ITGA9: variants seen among roughly 807,000 people sequenced by gnomAD.
ITGA9 encodes integrin subunit alpha 9, also known as integrin alpha-9.
ITGA9 carries 56 observed loss-of-function variants against 127.8 expected under a neutral mutation model. The observed-to-expected ratio is 0.44, with a 90% CI of 0.35 to 0.55. The LOEUF (loss-of-function observed/expected upper bound fraction) is 0.55, where lower values mean the gene tolerates loss of function less well. Ranked by LOEUF, ITGA9 falls within the 20% of genes least tolerant of loss-of-function variation. The probability of loss-of-function intolerance (pLI) is 0.00; values close to 1 mark genes in which losing one functional copy is unlikely to be tolerated. For synonymous variants in ITGA9, 508 were observed against 514.5 expected (o/e 0.99, Z 0.17); for missense variants, 1,196 against 1,347.1 (o/e 0.89, Z 1.76).
intron 15 of ITGA9, among the ~76,000 whole-genome samples, chr3:37,593,631 C>T (rs1388984100): frequency 3.3e-5 from 5 of 152,164 alleles, no homozygotes; most frequent in Non-Finnish European, 5.9e-5. Flanking sequence ...TCCTCTAAAC[C>T]GAATTATATC....
intron 15 of ITGA9, chr3:37,585,669 A>G (rs1211870715): frequency 3.9e-6 from 2 of 513,658 alleles, no homozygotes; most frequent in Admixed American, 3.9e-5. Context: ...AAGTCTCAAC[A>G]CAAGGAAACT....
At chr3:37,494,671 A>G (rs1352406847) in intron 5 of ITGA9, 103 bp downstream of exon 5, 1 of 908,676 alleles carries the variant, frequency 1.1e-6, no homozygotes, top group Non-Finnish European at 1.8e-6. Flanking sequence ...GGAGTCCCAG[A>G]TACTTGAGCC....
intron 15 of ITGA9, among the ~76,000 whole-genome samples, chr3:37,578,551 C>T (rs963649533): frequency 6.6e-6 from 1 of 152,196 alleles, no homozygotes; most frequent in Non-Finnish European, 1.5e-5. Context: ...CTTGGCCATG[C>T]CACAGTGGTC....
chr3:37,652,853 C>G (rs1158476701), intron 16 of ITGA9, among the ~76,000 whole-genome samples: 1 of 152,182 alleles, frequency 6.6e-6, no homozygotes, highest in African/African-American at 2.4e-5. Context: ...AAGCTACTGT[C>G]CATAGATCTG....
At chr3:37,720,290 C>T (rs1282145919) in intron 18 of ITGA9, among the ~76,000 whole-genome samples, 1 of 152,114 alleles carries the variant, frequency 6.6e-6, no homozygotes, top group Non-Finnish European at 1.5e-5. Flanking sequence ...GTACCTGAGC[C>T]CCTTCAAACA....
chr3:37,477,720 A>C (rs1232617196), intron 3 of ITGA9, among the ~76,000 whole-genome samples: 1 of 152,226 alleles, frequency 6.6e-6, no homozygotes, highest in Non-Finnish European at 1.5e-5. Context: ...ACTGCTGCTC[A>C]GACTTTGGAG....
intron 17 of ITGA9, among the ~76,000 whole-genome samples, chr3:37,678,926 T>A (rs1266134241): frequency 6.6e-6 from 1 of 152,226 alleles, no homozygotes; most frequent in East Asian, 1.9e-4. Flanking sequence ...ATCAGTAACA[T>A]CTTCCATTGA....
Position 37,689,920 on chromosome 3 carries a change from G to A in ITGA9, c.2067+5905G>A, listed in dbSNP as rs369792990. Among the ~76,000 whole-genome samples the A allele has an allele frequency of 3.3e-5, 5 of 152,350 alleles. No homozygotes were observed. The East Asian group carries it at 5.8e-4, about 18-fold the overall frequency. ...AAGGAGACACAAAGATCTAGTCCCT[G>A]CTCCCAGGGAGCTCATGGCCTATTG... On this transcript the variant is annotated intron_variant, in intron 18 of 27. Coordinates refer to ENST00000264741, the MANE Select transcript of ITGA9 (RefSeq NM_002207.3).
chr3:37,687,231 A>G (rs1004229277), intron 18 of ITGA9, among the ~76,000 whole-genome samples: 3 of 152,226 alleles, frequency 2.0e-5, no homozygotes, highest in Admixed American at 1.3e-4. Context: ...GGGATAAAGA[A>G]ATGTTACAAT....
chr3:37,460,030 A>C (rs1030095548), intron 1 of ITGA9, among the ~76,000 whole-genome samples: 2 of 152,122 alleles, frequency 1.3e-5, no homozygotes, highest in Non-Finnish European at 2.9e-5. Flanking sequence ...ATTAAGACAG[A>C]AGTGTCCCAG....
chr3:37,820,876 G>A lies in ITGA9; in HGVS notation c.*1887G>A, dbSNP rs1697505579. ...CTTTTTTACTGGAAGCTAACACGTT[G>A]GGAGTCCGTGAACATTGTCAAAAAG... On this transcript the variant is annotated 3_prime_UTR_variant, in exon 28 of 28. Transcript: ENST00000264741. 6.6e-6 allele frequency: 1 copy of A among 152,190 alleles called. No individual in the cohort carries two copies. Among genetic ancestry groups the A allele is most frequent in the Admixed American group, 6.5e-5 (1 of 15,268 alleles). The allele number at this position is 152,190 out of a possible 1,614,324, so 9.4% of individuals were successfully genotyped here.
At chr3:37,669,327 C>A in intron 17 of ITGA9, among the ~76,000 whole-genome samples, 1 of 152,226 alleles carries the variant, frequency 6.6e-6, no homozygotes. Flanking sequence ...TGTGGATTAA[C>A]TCCCTGGTGC....
chr3:37,529,252 T>C (rs1247954289), intron 13 of ITGA9, among the ~76,000 whole-genome samples: 2 of 152,208 alleles, frequency 1.3e-5, no homozygotes, highest in African/African-American at 4.8e-5. Context: ...CATGCAGATC[T>C]TATTAATATA....
At chr3:37,815,309 C>T (rs1158040873) in intron 27 of ITGA9, among the ~76,000 whole-genome samples, 1 of 152,154 alleles carries the variant, frequency 6.6e-6, no homozygotes, top group African/African-American at 2.4e-5. Context: ...TAGAGATGAA[C>T]AAGAGAAGTC....
intron 15 of ITGA9, among the ~76,000 whole-genome samples, chr3:37,563,500 G>C (rs1176814289): frequency 2.6e-5 from 4 of 152,150 alleles, no homozygotes; most frequent in Admixed American, 2.6e-4. Context: ...GGTGTCCGTG[G>C]GTGGATAATC....
intron 27 of ITGA9, among the ~76,000 whole-genome samples, chr3:37,810,104 C>T (rs1575248806): frequency 6.6e-6 from 1 of 152,330 alleles, no homozygotes; most frequent in East Asian, 1.9e-4. Context: ...AGAACCGTGG[C>T]TCTTGAATGT....
At chr3:37,610,101 G>A (rs1449846115) in intron 15 of ITGA9, among the ~76,000 whole-genome samples, 1 of 152,176 alleles carries the variant, frequency 6.6e-6, no homozygotes, top group African/African-American at 2.4e-5. Context: ...GACGGGGAGG[G>A]ATGAGAGGTC....
At chr3:37,559,405 C>G (rs1240298186) in intron 15 of ITGA9, among the ~76,000 whole-genome samples, 1 of 152,110 alleles carries the variant, frequency 6.6e-6, no homozygotes, top group East Asian at 1.9e-4. Flanking sequence ...ATATTTACCC[C>G]AAAGGGTTGG....
intron 18 of ITGA9, among the ~76,000 whole-genome samples, chr3:37,703,787 A>G (rs1700973771): frequency 6.6e-6 from 1 of 152,210 alleles, no homozygotes. Context: ...AACACTTTTT[A>G]TTAACGTGTT....
Sources: gnomAD v4.1 joint callset for allele counts (sites outside exome capture counted in the v4.1 genomes callset) on GRCh38, gnomAD v4.1.1 for gene constraint, MANE v1.5 for transcripts, NCBI Gene and HGNC (gene_info 2026-07-23, HGNC 2026-07-21) for gene names.